The following DCBLD1 variants were observed in gnomAD, a reference collection of about 807,000 sequenced individuals.
DCBLD1 encodes the protein discoidin, CUB and LCCL domain-containing protein 1.
Under a neutral mutation model 71.5 loss-of-function variants are expected in DCBLD1, and 57 were observed. The ratio of observed to expected loss-of-function variants is 0.80; its 90% CI spans 0.64 to 0.99. The LOEUF is 0.99. DCBLD1 is among the 50% of genes least tolerant of loss of function. The pLI is 0.00. For synonymous variants in DCBLD1, 380 were observed against 363.8 expected (o/e 1.04, Z -0.51); for missense variants, 891 against 923.5 (o/e 0.96, Z 0.46).
intron 1 of DCBLD1, chr6:117,503,547 T>C (rs2114425229): frequency 3.6e-6 from 2 of 561,436 alleles, no homozygotes; most frequent in East Asian, 5.9e-5. Flanking sequence ...ATGTGTGAAA[T>C]GTTTTGATCA....
intron 12 of DCBLD1, chr6:117,544,268 G>A (rs992312834): frequency 5.5e-6 from 2 of 364,294 alleles, no homozygotes; most frequent in Non-Finnish European, 9.7e-6. Flanking sequence ...AACTTAATAA[G>A]GCACTGATTT....
At chr6:117,522,701 A>G (rs2173892) in intron 4 of DCBLD1, among the ~76,000 whole-genome samples, 46,664 of 152,036 alleles carry the variant, frequency 0.31, 8,254 homozygotes, top group African/African-American at 0.49. Flanking sequence ...TGGGATTACA[A>G]GTGTGAATCA....
At position 117,548,002 on chromosome 6, in the gene DCBLD1, A is replaced by G; in HGVS notation, c.1711A>G (p.Ser571Gly). 6.4e-7 allele frequency: 1 copy of G among 1,550,464 alleles called. No homozygotes were observed. Among genetic ancestry groups the G allele is most frequent in the Non-Finnish European group, 8.7e-7 (1 of 1,146,924 alleles). The change falls in exon 15 of 15, where the codon AGC becomes GGC. Residue 571 changes from serine (S) to glycine (G), a missense_variant. Ser to Gly is a moderately conservative substitution (Grantham distance 56). Coordinates refer to ENST00000338728, the MANE Select transcript of DCBLD1 (RefSeq NM_001366458.2). ...MDTDAEEAGV[S>G]TDAGGHYDCP... ...CACGGATGCCGAGGAGGCAGGGGTG[A>G]GCACCGATGCCGGCGGCCACTATGA...
intron 5 of DCBLD1, 67 bp from the exon 6 acceptor site, chr6:117,532,193 A>G: frequency 6.6e-7 from 1 of 1,519,978 alleles, no homozygotes; most frequent in Non-Finnish European, 8.8e-7. Context: ...GAAACAAAAT[A>G]GAAAACTCCA....
rs1324431262 is a variant in DCBLD1, at chr6:117,503,943, G to C, written c.289G>C (p.Asp97His). The C allele has an allele frequency of 6.2e-7, 1 of 1,614,144 alleles. No homozygotes were observed. Among genetic ancestry groups the C allele is most frequent in the Non-Finnish European group, 8.5e-7 (1 of 1,180,006 alleles). The change falls in exon 2 of 15, where the codon GAC (aspartate) becomes CAC (histidine). Residue 97 changes from aspartate to histidine, a missense_variant. Physicochemically the swap from Asp to His is moderately conservative, Grantham distance 81 (BLOSUM62 -1). Coordinates refer to ENST00000338728, the MANE Select transcript of DCBLD1 (RefSeq NM_001366458.2). ...TATCGAATCCCAGACCTGTGCTTCT[G>C]ACTATCTTCTCTTCACCAGCTCTTC... is the stretch of plus-strand genomic sequence containing the variant. Reference protein sequence around the residue: ...LDIESQTCASDYLLFTSSSDQ... With the variant: ...LDIESQTCASHYLLFTSSSDQ...
At chr6:117,557,757 T>G (rs1779514559) in intron 14 of DCBLD1, among the ~76,000 whole-genome samples, 1 of 152,070 alleles carries the variant, frequency 6.6e-6, no homozygotes, top group Non-Finnish European at 1.5e-5. Context: ...AGAGTGAAAC[T>G]CCGTCTCAAA....
intron 5 of DCBLD1, among the ~76,000 whole-genome samples, chr6:117,531,783 G>A (rs569525046): frequency 6.6e-6 from 1 of 152,344 alleles, no homozygotes; most frequent in Admixed American, 6.5e-5. Context: ...CTTCTTAAAT[G>A]ATAACTTGGC....
At chr6:117,505,101 T>C (rs967387568) in intron 2 of DCBLD1, among the ~76,000 whole-genome samples, 2 of 152,176 alleles carry the variant, frequency 1.3e-5, no homozygotes, top group Non-Finnish European at 2.9e-5. Context: ...GGAGCATTGA[T>C]TGTTTTTTAA....
At chr6:117,524,093 C>G (rs916475766) in intron 4 of DCBLD1, among the ~76,000 whole-genome samples, 2 of 152,142 alleles carry the variant, frequency 1.3e-5, no homozygotes, top group African/African-American at 4.8e-5. Flanking sequence ...AGTGCTGGAG[C>G]CTGTGTCACT....
intron 1 of DCBLD1, among the ~76,000 whole-genome samples, chr6:117,492,463 T>C (rs1365040770): frequency 6.6e-6 from 1 of 152,196 alleles, no homozygotes; most frequent in Non-Finnish European, 1.5e-5. Context: ...ACCCATCATA[T>C]GTTCCTATCC....
At chr6:117,563,601 A>C (rs1779632815) in intron 14 of DCBLD1, among the ~76,000 whole-genome samples, 1 of 152,092 alleles carries the variant, frequency 6.6e-6, no homozygotes, top group Non-Finnish European at 1.5e-5. Context: ...ACATGCCTGT[A>C]ATCCCAGCTA....
In DCBLD1 at chr6:117,521,573, ACAGGT is replaced by A. The variant is rs1778387547; in HGVS notation, c.510_512+2del. ...GCTAGCCATTATTTGAAGACAGAAT[ACAGGT>A]AAGTATAGGTATCCTAACTGTGTTG... On this transcript the variant is annotated splice_donor_variant and coding_sequence_variant, in exon 4 of 15. Coordinates refer to ENST00000338728, the MANE Select transcript of DCBLD1 (RefSeq NM_001366458.2). LOFTEE classifies it high-confidence loss of function. The A allele has an allele frequency of 6.4e-7, 1 of 1,566,044 alleles. No individual in the cohort carries two copies. The highest frequency in any genetic ancestry group is 2.2e-5 in the Admixed American group (1 of 45,378).
intron 9 of DCBLD1, 52 bp downstream of exon 9, chr6:117,539,431 T>A (rs538939444): frequency 6.5e-7 from 1 of 1,529,166 alleles, no homozygotes; most frequent in African/African-American, 1.4e-5. Flanking sequence ...CAGGCCTCTA[T>A]ATATTTTCAT....
Position 117,539,246 on chromosome 6 carries a change from T to C in DCBLD1, c.977-9T>C, listed in dbSNP as rs1238324366. 1 of 1,532,214 alleles carries C rather than the reference T, an allele frequency of 6.5e-7. No homozygotes were observed. Among genetic ancestry groups the C allele is most frequent in the East Asian group, 2.3e-5 (1 of 43,240 alleles). The allele number at this position is 1,532,214 out of a possible 1,614,324, so 94.9% of individuals were successfully genotyped here. On this transcript the variant is annotated splice_polypyrimidine_tract_variant and intron_variant, in intron 8 of 14. Coordinates refer to ENST00000338728, the MANE Select transcript of DCBLD1 (RefSeq NM_001366458.2). Reference sequence around the variant, plus strand: ...TAAAAATAGCCTGTAAATATTATTTTCTTACAAGGAATTAGGACCACAGGA... The same window carrying C: ...TAAAAATAGCCTGTAAATATTATTTCCTTACAAGGAATTAGGACCACAGGA...
intron 2 of DCBLD1, 120 bp downstream of exon 2, chr6:117,504,099 T>A: frequency 8.9e-7 from 1 of 1,125,010 alleles, no homozygotes; most frequent in Non-Finnish European, 1.2e-6. Context: ...CTTGCTTCTG[T>A]AAATTCTTGG....
Position 117,537,662 on chromosome 6 carries a change from C to CTTT in DCBLD1, c.760+463_760+465dup, listed in dbSNP as rs68032011. On this transcript the variant is annotated intron_variant, in intron 7 of 14. Coordinates refer to ENST00000338728, the MANE Select transcript of DCBLD1 (RefSeq NM_001366458.2). ...CCTTTTTTCTCAGGTTACATAGCAC[C>CTTT]TTTTTTTTTTTTTTTTTTTTTTTTT... Among the ~76,000 whole-genome samples, 47 of 46,874 alleles carry CTTT rather than the reference C, an allele frequency of 1.0e-3. 9 individuals carry two copies. Among genetic ancestry groups the CTTT allele is most frequent in the Admixed American group, 2.7e-3 (8 of 3,008 alleles). 30.8% of individuals were successfully genotyped at this position (46,874 alleles called of 152,430 possible). A position where few individuals can be genotyped will look rare whatever the true frequency, so the allele number is the denominator to read the frequency against.
chr6:117,569,661 G>GCCCT, exon 15 of DCBLD1: 1 of 1,612,524 alleles, frequency 6.2e-7, no homozygotes, highest in Non-Finnish European at 8.5e-7. Context: ...CCAACGTGCA[G>GCCCT]CCCTCCGCAT....
At chr6:117,521,495 A>G (rs778559072) in intron 3 of DCBLD1, 30 bp from the exon 4 acceptor site, 8 of 1,532,302 alleles carry the variant, frequency 5.2e-6, no homozygotes, top group Admixed American at 4.2e-5. Flanking sequence ...TATTCATTCT[A>G]TTAATTGCAA....
chr6:117,567,799 A>C (rs1481165835), intron 14 of DCBLD1, among the ~76,000 whole-genome samples: 1 of 152,142 alleles, frequency 6.6e-6, no homozygotes, highest in East Asian at 1.9e-4. Context: ...AAAGAAAAAC[A>C]AAAGTTTGAC....
Sources: gnomAD v4.1 joint callset for allele counts (sites outside exome capture counted in the v4.1 genomes callset) on GRCh38, gnomAD v4.1.1 for gene constraint, MANE v1.5 for transcripts, NCBI Gene and HGNC (gene_info 2026-07-23, HGNC 2026-07-21) for gene names.